The following ECT2L variants were observed in gnomAD, a reference collection of about 807,000 sequenced individuals.
The protein encoded by ECT2L is epithelial cell transforming 2 like.
ECT2L carries 126 observed loss-of-function variants against 122.8 expected under a neutral mutation model. The observed-to-expected ratio is 1.03, with a 90% confidence interval of 0.89 to 1.19. The LOEUF is 1.19. Ranked by LOEUF, ECT2L falls within the 50% of genes most tolerant of loss-of-function variation. The pLI is 0.00. For synonymous variants in ECT2L, 385 were observed against 381.8 expected (o/e 1.01, Z -0.10); for missense variants, 1,012 against 1,064.1 (o/e 0.95, Z 0.68).
intron 16 of ECT2L, among the ~76,000 whole-genome samples, chr6:138,884,427 C>T (rs570110724): frequency 6.6e-6 from 1 of 152,056 alleles, no homozygotes; most frequent in Non-Finnish European, 1.5e-5. Context: ...CATCTGAGGT[C>T]AGGAGTTCGA....
intron 4 of ECT2L, among the ~76,000 whole-genome samples, chr6:138,820,264 G>A (rs1359015759): frequency 6.6e-6 from 1 of 152,014 alleles, no homozygotes; most frequent in African/African-American, 2.4e-5. Flanking sequence ...TTCTGCCCAG[G>A]GAGACATAAG....
rs1045414347 is a variant in ECT2L at position 138,903,872 on chromosome 6, A to G, written c.*1245A>G. 6.6e-6 allele frequency: 1 copy of G among 152,202 alleles called. No homozygotes were observed. The highest frequency in any genetic ancestry group is 1.5e-5 in the Non-Finnish European group (1 of 68,024). The allele number at this position is 152,202 out of a possible 1,614,324, so 9.4% of individuals were successfully genotyped here. On this transcript the variant is annotated 3_prime_UTR_variant, in exon 22 of 22. Coordinates refer to ENST00000541398, the MANE Select transcript of ECT2L (RefSeq NM_001077706.3). ...GTTGTCAGTTTCCCTTGTTCTTCAA[A>G]TTCTTGTTTACAGTAACAAAGTCTA...
chr6:138,841,877 T>G (rs1198483869), intron 5 of ECT2L, among the ~76,000 whole-genome samples: 1 of 152,198 alleles, frequency 6.6e-6, no homozygotes, highest in Non-Finnish European at 1.5e-5. Flanking sequence ...TTGTCGTATG[T>G]CAAAATGGCT....
intron 20 of ECT2L, 74 bp downstream of exon 20, chr6:138,889,105 C>A (rs1354615807): frequency 2.7e-6 from 2 of 733,730 alleles, no homozygotes; most frequent in South Asian, 2.8e-5. Context: ...TCCTGTAGCT[C>A]CAGCATTCAG....
chr6:138,822,837 T>C (rs1467929447), intron 4 of ECT2L: 22 of 1,613,834 alleles, frequency 1.4e-5, no homozygotes, highest in Non-Finnish European at 1.8e-5. Flanking sequence ...TGAATTGATC[T>C]GTATCAAAGA....
chr6:138,805,562 A>G (rs9495260), intron 1 of ECT2L, among the ~76,000 whole-genome samples: 4,757 of 152,128 alleles, frequency 0.031, 231 homozygotes, highest in African/African-American at 0.1. Flanking sequence ...CTTTGTATGT[A>G]GGGGGCTGGG....
chr6:138,799,315 A>G lies in ECT2L; in HGVS notation c.-244+3123A>G, dbSNP rs990263756. 5.9e-5 allele frequency among the ~76,000 whole-genome samples: 9 copies of G among 151,656 alleles called. No individual in the cohort carries two copies. The South Asian group carries it at 6.2e-4, about 11-fold the overall frequency. On this transcript the variant is annotated intron_variant, in intron 1 of 21. Coordinates refer to ENST00000541398, the MANE Select transcript of ECT2L (RefSeq NM_001077706.3). ...GTCACCCAGGCTGGAGTGCAGTGGC[A>G]CGATCTCGGCTCACTGCAAGCTCCG...
chr6:138,860,835 C>A (rs534583718), intron 10 of ECT2L, among the ~76,000 whole-genome samples: 1 of 151,816 alleles, frequency 6.6e-6, no homozygotes, highest in South Asian at 2.1e-4. Flanking sequence ...GGTTTTAAGC[C>A]CTGCACGCAT....
In ECT2L at chr6:138,903,352, C is replaced by T. The variant is rs1412496130; in HGVS notation, c.*725C>T. The T allele has an allele frequency of 4.0e-5, 6 of 150,292 alleles. No homozygotes were observed. Among genetic ancestry groups the T allele is most frequent in the African/African-American group, 1.2e-4 (5 of 40,672 alleles). The allele number at this position is 150,292 out of a possible 1,614,324, so 9.3% of individuals were successfully genotyped here. A position where few individuals can be genotyped will look rare whatever the true frequency, so the allele number is the denominator to read the frequency against. On this transcript the variant is annotated 3_prime_UTR_variant, in exon 22 of 22. Coordinates refer to ENST00000541398, the MANE Select transcript of ECT2L (RefSeq NM_001077706.3). Reference sequence around the variant, plus strand: ...TTCAGCCTGGGTGACAAGAGCGAACCTCTGTCTCAAAAAAAAAAGAAAAAA... The same window carrying T: ...TTCAGCCTGGGTGACAAGAGCGAACTTCTGTCTCAAAAAAAAAAGAAAAAA...
chr6:138,861,365 T>G (rs1037599892), intron 10 of ECT2L, among the ~76,000 whole-genome samples: 1 of 152,234 alleles, frequency 6.6e-6, no homozygotes, highest in Non-Finnish European at 1.5e-5. Context: ...AGTATTCCTA[T>G]TTCTCCACAG....
intron 9 of ECT2L, among the ~76,000 whole-genome samples, chr6:138,852,792 G>T (rs954441305): frequency 2.0e-5 from 3 of 151,886 alleles, no homozygotes; most frequent in African/African-American, 7.3e-5. Context: ...TAAATGACAT[G>T]GTAACTCTTC....
Position 138,873,872 on chromosome 6 carries a change from C to CTCTG in ECT2L, c.1579-2599_1579-2598insCTGT, listed in dbSNP as rs772751027. On this transcript the variant is annotated intron_variant, in intron 13 of 21. Transcript: ENST00000541398. ...TACGGATTATCTGTCAAATCCAGGACTGTGTGTGTGTGTGTGTGTGTGTGT... is the reference window on the plus strand; with the variant it reads ...TACGGATTATCTGTCAAATCCAGGACTCTGTGTGTGTGTGTGTGTGTGTGTGTGT... 4.2e-5 allele frequency among the ~76,000 whole-genome samples: 3 copies of CTCTG among 71,370 alleles called. No homozygotes were observed. The South Asian group carries it at 1.0e-3, about 24-fold the overall frequency. 46.8% of individuals were successfully genotyped at this position (71,370 alleles called of 152,430 possible).
Position 138,888,983 on chromosome 6 carries a change from A to G in ECT2L, c.2366A>G (p.Asp789Gly). Reference protein sequence around the residue: ...EVNRYLIRVQDVAQLHCCDEE... With the variant: ...EVNRYLIRVQGVAQLHCCDEE... ...AACAGATATCTGATTAGGGTACAAGATGTAGCCCAACTTCATTGCTGTGAT... is the reference window on the plus strand; with the variant it reads ...AACAGATATCTGATTAGGGTACAAGGTGTAGCCCAACTTCATTGCTGTGAT... Residue 789 changes from aspartate to glycine, a missense_variant, in exon 20 of 22, where the codon GAT (aspartate) becomes GGT (glycine). Physicochemically the swap from Asp to Gly is moderately conservative, Grantham distance 94. Coordinates refer to ENST00000541398, the MANE Select transcript of ECT2L (RefSeq NM_001077706.3). 1.9e-6 allele frequency: 3 copies of G among 1,552,956 alleles called. No homozygotes were observed. Among genetic ancestry groups the G allele is most frequent in the Non-Finnish European group, 2.6e-6 (3 of 1,143,900 alleles).
At chr6:138,840,603 A>G (rs1253229115) in intron 5 of ECT2L, among the ~76,000 whole-genome samples, 1 of 151,852 alleles carries the variant, frequency 6.6e-6, no homozygotes, top group Non-Finnish European at 1.5e-5. Flanking sequence ...TTTTTATAGA[A>G]CTTTGAAAAT....
In ECT2L at chr6:138,847,497, A is replaced by T. The variant is rs868742287; in HGVS notation, c.903+820A>T. ...ACCATTCTCCTGCCTCAGCCTCCTG[A>T]GTAGCTGGGACTACAGGCGCCCGCC... On this transcript the variant is annotated intron_variant, in intron 8 of 21. Coordinates refer to ENST00000541398, the MANE Select transcript of ECT2L (RefSeq NM_001077706.3). Among the ~76,000 whole-genome samples, 528 of 142,510 alleles carry T rather than the reference A, an allele frequency of 3.7e-3. 4 individuals are homozygous for T. Among genetic ancestry groups the T allele is most frequent in the African/African-American group, 0.013 (510 of 38,694 alleles). The allele number at this position is 142,510 out of a possible 152,430, so 93.5% of individuals were successfully genotyped here.
At chr6:138,822,772 C>T (rs1159174406) in intron 4 of ECT2L, 35 of 1,599,992 alleles carry the variant, frequency 2.2e-5, no homozygotes, top group Non-Finnish European at 3.0e-5. Context: ...AACCAGTCAA[C>T]AGATTATTAT....
At position 138,846,618 on chromosome 6, in the gene ECT2L, T is replaced by C; in HGVS notation, c.844T>C (p.Ser282Pro). 6.2e-7 allele frequency: 1 copy of C among 1,611,600 alleles called. No individual in the cohort carries two copies. Among genetic ancestry groups the C allele is most frequent in the Non-Finnish European group, 8.5e-7 (1 of 1,179,158 alleles). ...WHGVHKNDDR[S>P]SYALRPHFML... Reference sequence around the variant, plus strand: ...TGGAGTTCATAAAAATGATGACAGATCTTCATATGCTCTCCGGCCACACTT... The same window carrying C: ...TGGAGTTCATAAAAATGATGACAGACCTTCATATGCTCTCCGGCCACACTT... The change falls in exon 8 of 22, where the codon TCT (serine) becomes CCT (proline). Residue 282 changes from serine to proline, a missense_variant. Transcript: ENST00000541398.
rs1263468810 is a variant in ECT2L, at chr6:138,865,175, A to G, written c.1471A>G (p.Ile491Val). The G allele has an allele frequency of 6.2e-7, 1 of 1,607,392 alleles. No homozygotes were observed. The highest frequency in any genetic ancestry group is 8.5e-7 in the Non-Finnish European group (1 of 1,175,102). Reference sequence around the variant, plus strand: ...GCAGAAGAGCATCAGTGGCAGGATGATAGGTAAGCAGTCTTGCTACTTCTG... The same window carrying G: ...GCAGAAGAGCATCAGTGGCAGGATGGTAGGTAAGCAGTCTTGCTACTTCTG... Reference protein sequence around the residue: ...ELQKSISGRMIGQFMFDTMGM... With the variant: ...ELQKSISGRMVGQFMFDTMGM... The change falls in exon 12 of 22, where the codon ATA (isoleucine) becomes GTA (valine). Residue 491 changes from isoleucine to valine, a missense_variant. Ile to Val is a conservative substitution (Grantham distance 29, BLOSUM62 3). Transcript: ENST00000541398.
At position 138,880,992 on chromosome 6, in the gene ECT2L, A is replaced by G; in HGVS notation, c.1701A>G (p.Arg567=). The change falls in exon 15 of 22, where the codon CGA becomes CGG. Residue 567 remains arginine (R), a synonymous_variant. Coordinates refer to ENST00000541398, the MANE Select transcript of ECT2L (RefSeq NM_001077706.3). The stretch of plus-strand genomic sequence containing the variant: ...TCCAGAAGGACTCAGCAGAAAAGCG[A>G]GCTAGAGTTGTCAGAGAACTCTTAC... ...RILQKDSAEK[R]ARVVRELLQS... The G allele has an allele frequency of 6.2e-7, 1 of 1,614,176 alleles. No homozygotes were observed. The highest frequency in any genetic ancestry group is 8.5e-7 in the Non-Finnish European group (1 of 1,180,006).
Sources: allele counts gnomAD v4.1 joint callset (sites outside exome capture counted in the v4.1 genomes callset), GRCh38; gene constraint gnomAD v4.1.1; transcripts MANE v1.5; gene names NCBI Gene and HGNC (gene_info 2026-07-23, HGNC 2026-07-21).